Variants in SP100 observed in about 807,000 individuals in gnomAD.
The protein encoded by SP100 is nuclear autoantigen Sp-100.
In SP100, 84 loss-of-function variants were observed where a neutral mutation model predicts 130.0. The observed-to-expected ratio is 0.65, with a 90% CI of 0.54 to 0.77. The LOEUF is 0.77. Ranked by LOEUF, SP100 falls within the 30% of genes least tolerant of loss-of-function variation. The probability of loss-of-function intolerance (pLI) is 0.00; values close to 1 mark genes in which losing one functional copy is unlikely to be tolerated. For missense variants in SP100, 978 were observed against 1,052.2 expected (o/e 0.93, Z 0.97); for synonymous variants, 331 against 351.7 (o/e 0.94, Z 0.66).
At position 230,504,225 on chromosome 2, in the gene SP100, A is replaced by C; in HGVS notation, c.1805A>C (p.Gln602Pro). The change falls in exon 21 of 29, where the codon CAA becomes CCA. Residue 602 changes from glutamine (Q) to proline (P), a missense_variant. Gln to Pro is a moderately conservative substitution (Grantham distance 76, BLOSUM62 -1). Transcript: ENST00000340126. ...AAAGATGAAAATATTAATTTTAAAC[A>C]ATCTGAACTTCCTGTGACCTGTGGT... ...IPKDENINFK[Q>P]SELPVTCGEV... 1.2e-6 allele frequency: 2 copies of C among 1,613,084 alleles called. No homozygotes were observed. Among genetic ancestry groups the C allele is most frequent in the Non-Finnish European group, 1.7e-6 (2 of 1,179,284 alleles).
intron 24 of SP100, among the ~76,000 whole-genome samples, chr2:230,512,948 A>G (rs1337240080): frequency 6.6e-6 from 1 of 152,084 alleles, no homozygotes; most frequent in African/African-American, 2.4e-5. Context: ...AATTTACAAC[A>G]GGGTTTGTGC....
intron 21 of SP100, 61 bp from the exon 22 acceptor site, chr2:230,506,242 G>C (rs749219862): frequency 7.3e-5 from 116 of 1,593,440 alleles, no homozygotes; most frequent in African/African-American, 4.0e-5. Flanking sequence ...CCCCAGCATG[G>C]GGGGAGGCCA....
intron 2 of SP100, among the ~76,000 whole-genome samples, chr2:230,437,569 T>TTTG (rs1243623153): frequency 2.0e-5 from 3 of 151,902 alleles, no homozygotes; most frequent in Non-Finnish European, 2.9e-5. Context: ...TTTGTTTTGT[T>TTTG]TTGTTGTTGT....
chr2:230,493,645 T>A (rs1315696788), intron 17 of SP100: 2 of 152,032 alleles, frequency 1.3e-5, no homozygotes, highest in African/African-American at 4.8e-5. Flanking sequence ...TTGTCTTCAT[T>A]TCTCTGATTT....
At chr2:230,444,131 G>T in intron 3 of SP100, 47 bp from the exon 4 acceptor site, 2 of 1,359,728 alleles carry the variant, frequency 1.5e-6, no homozygotes, top group South Asian at 1.4e-5. Context: ...GCTCTTCTGT[G>T]ACTTGGAAGT....
intron 22 of SP100, 22 bp from the exon 23 acceptor site, chr2:230,507,971 A>G (rs1690248873): frequency 6.2e-7 from 1 of 1,611,420 alleles, no homozygotes; most frequent in African/African-American, 1.3e-5. Flanking sequence ...CCATCAAATC[A>G]TTTATCTCTT....
chr2:230,464,445 A>G (rs1431819872), intron 11 of SP100, among the ~76,000 whole-genome samples: 1 of 152,204 alleles, frequency 6.6e-6, no homozygotes, highest in Non-Finnish European at 1.5e-5. Context: ...ATCAAGAGTT[A>G]TTATTTCAAG....
intron 17 of SP100, among the ~76,000 whole-genome samples, chr2:230,486,646 A>G (rs1281293321): frequency 6.6e-6 from 1 of 152,240 alleles, no homozygotes; most frequent in Admixed American, 6.5e-5. Context: ...AGACGTGTGC[A>G]TGTGTCTTTA....
At chr2:230,515,210 T>A (rs1690841198) in intron 24 of SP100, 1 of 1,613,420 alleles carries the variant, frequency 6.2e-7, no homozygotes, top group South Asian at 1.1e-5. Flanking sequence ...TTTGAAGATA[T>A]GGCAAAGGCG....
intron 15 of SP100, among the ~76,000 whole-genome samples, chr2:230,472,247 T>C (rs2065299910): frequency 6.6e-6 from 1 of 150,988 alleles, no homozygotes; most frequent in South Asian, 2.1e-4. Context: ...GCTAAAACGG[T>C]GAAACCCCAT....
chr2:230,449,520 A>G (rs369733262), intron 6 of SP100, 41 bp from the exon 7 acceptor site: 15 of 1,612,146 alleles, frequency 9.3e-6, no homozygotes, highest in Non-Finnish European at 1.3e-5. Context: ...GACAGGCAGC[A>G]GAGGGCAAAT....
intron 17 of SP100, among the ~76,000 whole-genome samples, chr2:230,482,035 C>T (rs1206739435): frequency 2.0e-5 from 3 of 152,048 alleles, no homozygotes; most frequent in Non-Finnish European, 4.4e-5. Flanking sequence ...TATACATGTG[C>T]CATGCTGGTG....
At position 230,418,979 on chromosome 2, in the gene SP100, A is replaced by G. The variant is rs1226151082; in HGVS notation, c.107+1314A>G. Among the ~76,000 whole-genome samples, 3 of 152,288 alleles carry G rather than the reference A, an allele frequency of 2.0e-5. No individual in the cohort carries two copies. In the East Asian group the frequency reaches 5.8e-4, roughly 29 times the overall value. ...TGTGTGGAACTGCACTGGATCTATA[A>G]ATCAATTTGAAGAGAATGGACATCT... On this transcript the variant is annotated intron_variant, in intron 2 of 28. Transcript: ENST00000340126.
intron 17 of SP100, among the ~76,000 whole-genome samples, chr2:230,478,619 C>T (rs896579232): frequency 6.6e-6 from 1 of 152,160 alleles, no homozygotes; most frequent in African/African-American, 2.4e-5. Context: ...CCTTCCACAA[C>T]TATGGGTCGA....
chr2:230,508,310 AC>A, intron 23 of SP100: 2 of 129,144 alleles, frequency 1.5e-5, no homozygotes, highest in Non-Finnish European at 2.6e-5. Flanking sequence ...TAAATGCCAT[AC>A]TTTTTTTTTT....
chr2:230,438,639 G>GTGTATA (rs1553634650), intron 2 of SP100, among the ~76,000 whole-genome samples: 1,753 of 135,054 alleles, frequency 0.013, 26 homozygotes, highest in Middle Eastern at 0.021. Flanking sequence ...ACTCCATGGT[G>GTGTATA]TATATATATA....
In SP100 at chr2:230,461,430, A is replaced by T. The variant is rs994953503; in HGVS notation, c.973+16A>T. On this transcript the variant is annotated intron_variant, in intron 9 of 28. Coordinates refer to ENST00000340126, the MANE Select transcript of SP100 (RefSeq NM_001080391.2). Reference sequence around the variant, plus strand: ...GACATAATAGGTAAGGCTGACTGGGAGAGTTTGTAACTGTGAGTCACAGGT... The same window carrying T: ...GACATAATAGGTAAGGCTGACTGGGTGAGTTTGTAACTGTGAGTCACAGGT... 11 of 1,613,482 alleles carry T rather than the reference A, an allele frequency of 6.8e-6. 1 individual carries two copies. In the Admixed American group the frequency reaches 1.5e-4, roughly 22 times the overall value.
chr2:230,527,890 A>T (rs774808972), intron 24 of SP100, among the ~76,000 whole-genome samples: 10 of 152,216 alleles, frequency 6.6e-5, no homozygotes, highest in Non-Finnish European at 1.2e-4. Context: ...GCTATCCTAA[A>T]TACATGCACC....
chr2:230,437,707 C>T (rs1017510147), intron 2 of SP100, among the ~76,000 whole-genome samples: 14 of 151,834 alleles, frequency 9.2e-5, no homozygotes, highest in Non-Finnish European at 2.9e-5. Context: ...TACAGGCATG[C>T]ACCACCATGC....
Sources: gnomAD v4.1 joint callset for allele counts (sites outside exome capture counted in the v4.1 genomes callset) on GRCh38, gnomAD v4.1.1 for gene constraint, MANE v1.5 for transcripts, NCBI Gene and HGNC (gene_info 2026-07-23, HGNC 2026-07-21) for gene names.